The following NRXN1 variants were observed in gnomAD, a reference collection of about 807,000 sequenced individuals.
The protein encoded by NRXN1 is neurexin 1.
A neutral mutation model predicts 150.9 loss-of-function variants in NRXN1; 39 were observed. The observed-to-expected ratio is 0.26, with a 90% CI of 0.20 to 0.34. NRXN1 has a LOEUF of 0.34. Among genes scored for constraint, NRXN1 ranks in the 10% least tolerant of loss-of-function variants. The probability of loss-of-function intolerance (pLI) is 1.00; values close to 1 mark genes in which losing one functional copy is unlikely to be tolerated. For synonymous variants in NRXN1, 924 were observed against 757.0 expected (o/e 1.22, Z -3.62); for missense variants, 1,815 against 1,949.9 (o/e 0.93, Z 1.30).
chr2:50,312,668 C>T (rs1037711284), intron 17 of NRXN1: 5 of 490,166 alleles, frequency 1.0e-5, no homozygotes, highest in Non-Finnish European at 2.0e-5. Flanking sequence ...CTCAGACAGT[C>T]CATCTGATTT....
chr2:49,929,629 A>G (rs1447955666), intron 22 of NRXN1, among the ~76,000 whole-genome samples: 2 of 152,120 alleles, frequency 1.3e-5, no homozygotes, highest in Non-Finnish European at 2.9e-5. Context: ...AAAGAGTTCA[A>G]CCTTTATGCC....
intron 2 of NRXN1, among the ~76,000 whole-genome samples, chr2:50,974,653 T>C (rs894910513): frequency 6.6e-6 from 1 of 152,054 alleles, no homozygotes; most frequent in Non-Finnish European, 1.5e-5. Context: ...CTCAATGTAA[T>C]TCCTGGGTAG....
At chr2:50,252,528 A>C (rs1185925480) in intron 17 of NRXN1, among the ~76,000 whole-genome samples, 1 of 151,872 alleles carries the variant, frequency 6.6e-6, no homozygotes, top group Non-Finnish European at 1.5e-5. Flanking sequence ...CAAAGTGCTG[A>C]GATTACAGGT....
intron 5 of NRXN1, among the ~76,000 whole-genome samples, chr2:50,693,624 G>A (rs966122848): frequency 2.0e-5 from 3 of 152,218 alleles, no homozygotes; most frequent in Admixed American, 6.5e-5. Flanking sequence ...TTAAAATGCA[G>A]CTTGCAACCA....
At chr2:50,024,729 C>T (rs1465276959) in intron 21 of NRXN1, among the ~76,000 whole-genome samples, 4 of 152,212 alleles carry the variant, frequency 2.6e-5, no homozygotes, top group South Asian at 4.1e-4. Flanking sequence ...ATGCTCCTGC[C>T]TCAGCCTCCT....
intron 19 of NRXN1, among the ~76,000 whole-genome samples, chr2:50,072,863 A>G (rs965409072): frequency 6.6e-6 from 1 of 152,150 alleles, no homozygotes; most frequent in African/African-American, 2.4e-5. Flanking sequence ...AAACAAAAAG[A>G]CTTGAGTACT....
chr2:49,936,811 CAT>C lies in NRXN1; in HGVS notation c.4216+6891_4216+6892del, dbSNP rs1232083759. On this transcript the variant is annotated intron_variant, in intron 22 of 22. Transcript: ENST00000401669. ...ATATTCTAAAAAACAAAACAAAAAA[CAT>C]ATGTACACACACACACACACACACA... is the stretch of plus-strand genomic sequence containing the variant. Among the ~76,000 whole-genome samples, 20 of 141,196 alleles carry C rather than the reference CAT, an allele frequency of 1.4e-4. 1 individual carries two copies. The highest frequency in any genetic ancestry group is 4.9e-4 in the African/African-American group (19 of 38,736). 92.6% of individuals were successfully genotyped at this position (141,196 alleles called of 152,430 possible). A position where few individuals can be genotyped will look rare whatever the true frequency, so the allele number is the denominator to read the frequency against.
intron 21 of NRXN1, among the ~76,000 whole-genome samples, chr2:50,050,482 C>G (rs1174934020): frequency 1.3e-5 from 2 of 151,940 alleles, no homozygotes; most frequent in Admixed American, 1.3e-4. Context: ...AGAAAACAGT[C>G]CAGTGTGGCT....
chr2:50,927,615 T>C (rs1052840104), intron 2 of NRXN1, among the ~76,000 whole-genome samples: 1 of 152,016 alleles, frequency 6.6e-6, no homozygotes. Context: ...AATACAAAGA[T>C]ATAAATTATT....
At chr2:50,006,830 T>C (rs1272195522) in intron 21 of NRXN1, among the ~76,000 whole-genome samples, 1 of 152,136 alleles carries the variant, frequency 6.6e-6, no homozygotes, top group Non-Finnish European at 1.5e-5. Context: ...TTTGTTTACT[T>C]CTCTTCCTGG....
chr2:50,578,523 C>G (rs575791598), intron 8 of NRXN1, among the ~76,000 whole-genome samples: 1 of 152,104 alleles, frequency 6.6e-6, no homozygotes, highest in Admixed American at 6.6e-5. Flanking sequence ...AACTATAGTA[C>G]AATATCACAA....
chr2:50,148,333 A>C (rs576556595), intron 18 of NRXN1, among the ~76,000 whole-genome samples: 1 of 151,698 alleles, frequency 6.6e-6, no homozygotes, highest in African/African-American at 2.4e-5. Flanking sequence ...ATCCAAAGCT[A>C]ATATTAGCTT....
chr2:50,379,744 A>T (rs1364992354), intron 17 of NRXN1, among the ~76,000 whole-genome samples: 1 of 152,184 alleles, frequency 6.6e-6, no homozygotes, highest in African/African-American at 2.4e-5. Context: ...ATCTCCACAA[A>T]CAGTGTAACT....
intron 5 of NRXN1, among the ~76,000 whole-genome samples, chr2:50,840,413 A>G (rs534012065): frequency 5.3e-5 from 8 of 152,230 alleles, no homozygotes; most frequent in African/African-American, 1.9e-4. Flanking sequence ...AGTTTTATTT[A>G]GTATCCCCCT....
intron 2 of NRXN1, among the ~76,000 whole-genome samples, chr2:50,929,394 G>C (rs1244529719): frequency 6.6e-6 from 1 of 151,994 alleles, no homozygotes; most frequent in Non-Finnish European, 1.5e-5. Context: ...TACAGACAGT[G>C]GTCCATTTAG....
intron 18 of NRXN1, among the ~76,000 whole-genome samples, chr2:50,128,382 T>G (rs1704927136): frequency 1.3e-5 from 2 of 152,246 alleles, no homozygotes; most frequent in South Asian, 4.1e-4. Context: ...AAATCCATCC[T>G]TATGCATTTT....
At chr2:50,608,020 G>A (rs1300044633) in intron 8 of NRXN1, among the ~76,000 whole-genome samples, 1 of 151,866 alleles carries the variant, frequency 6.6e-6, no homozygotes, top group Non-Finnish European at 1.5e-5. Context: ...GCCCACCTGG[G>A]GCCTGGGGGT....
intron 5 of NRXN1, among the ~76,000 whole-genome samples, chr2:50,663,827 C>T (rs1025407963): frequency 4.0e-5 from 6 of 151,872 alleles, no homozygotes; most frequent in Admixed American, 1.3e-4. Flanking sequence ...ATCCCAAATA[C>T]AATTTTGAGC....
chr2:50,083,073 C>T (rs566527113), intron 19 of NRXN1, among the ~76,000 whole-genome samples: 35 of 152,234 alleles, frequency 2.3e-4, no homozygotes, highest in African/African-American at 7.9e-4. Context: ...ATCAAATTGG[C>T]CCTGTGATAC....
Sources: allele counts gnomAD v4.1 joint callset (sites outside exome capture counted in the v4.1 genomes callset), GRCh38; gene constraint gnomAD v4.1.1; transcripts MANE v1.5; gene names NCBI Gene and HGNC (gene_info 2026-07-23, HGNC 2026-07-21).